Variants in KIZ observed in about 807,000 individuals in gnomAD.
The protein encoded by KIZ is centrosomal protein kizuna.
Under a neutral mutation model 79.6 loss-of-function variants are expected in KIZ, and 68 were observed. The observed-to-expected ratio is 0.85, with a 90% CI of 0.70 to 1.05. The LOEUF (loss-of-function observed/expected upper bound fraction) is 1.05, where lower values mean the gene tolerates loss of function less well. Ranked by LOEUF, KIZ falls within the 50% of genes least tolerant of loss-of-function variation. The pLI is 0.00. For missense variants in KIZ, 797 were observed against 800.4 expected (o/e 1.00, Z 0.05); for synonymous variants, 280 against 281.8 (o/e 0.99, Z 0.06).
At chr20:21,213,831 G>A (rs905194804) in intron 7 of KIZ, 1 of 152,188 alleles carries the variant, frequency 6.6e-6, no homozygotes, top group Non-Finnish European at 1.5e-5. Flanking sequence ...GGACACATGA[G>A]GCATTTAAGT....
chr20:21,211,244 A>G lies in KIZ; in HGVS notation c.1447-3291A>G, dbSNP rs548398498. 5.3e-5 allele frequency among the ~76,000 whole-genome samples: 8 copies of G among 152,362 alleles called. No homozygotes were observed. The South Asian group carries it at 1.7e-3, about 32-fold the overall frequency. ...AGAACTGGGCTAATAAAGGAATAGT[A>G]CTGTAGGTGTAACTCATAGAACGAT... On this transcript the variant is annotated intron_variant, in intron 7 of 12. Coordinates refer to ENST00000619189, the MANE Select transcript of KIZ (RefSeq NM_018474.6).
At chr20:21,180,809 A>T (rs2034628699) in intron 6 of KIZ, among the ~76,000 whole-genome samples, 5 of 152,204 alleles carry the variant, frequency 3.3e-5, no homozygotes, top group Admixed American at 3.3e-4. Context: ...TTCTAGCCCA[A>T]GCTCCAGATG....
At chr20:21,216,277 A>G (rs1054730679) in intron 9 of KIZ, among the ~76,000 whole-genome samples, 1 of 152,232 alleles carries the variant, frequency 6.6e-6, no homozygotes, top group South Asian at 2.1e-4. Flanking sequence ...TGAATTTACT[A>G]GTACCTTATT....
intron 11 of KIZ, among the ~76,000 whole-genome samples, chr20:21,239,507 G>A (rs73115966): frequency 0.014 from 2,187 of 152,304 alleles, 36 homozygotes; most frequent in Middle Eastern, 0.041. Flanking sequence ...TTGATAATCT[G>A]TGAATGCTGT....
chr20:21,241,292 C>T (rs2037207462), intron 11 of KIZ, among the ~76,000 whole-genome samples: 1 of 152,134 alleles, frequency 6.6e-6, no homozygotes, highest in Non-Finnish European at 1.5e-5. Flanking sequence ...AAAAAATCAA[C>T]TATGAATTGC....
intron 3 of KIZ, among the ~76,000 whole-genome samples, chr20:21,137,466 C>T (rs996969441): frequency 1.3e-5 from 2 of 150,112 alleles, no homozygotes; most frequent in African/African-American, 5.0e-5. Flanking sequence ...GCTACTGAGC[C>T]CCCCTACCTT....
chr20:21,157,324 A>G (rs544510755), intron 4 of KIZ, among the ~76,000 whole-genome samples: 2 of 152,272 alleles, frequency 1.3e-5, no homozygotes, highest in Admixed American at 6.5e-5. Flanking sequence ...AATTTGTTAC[A>G]GGCCACTAAC....
chr20:21,204,624 A>G (rs923089689), intron 6 of KIZ, among the ~76,000 whole-genome samples: 3 of 149,806 alleles, frequency 2.0e-5, no homozygotes, highest in South Asian at 2.1e-4. Context: ...TTCTTTTGAT[A>G]CAACTTTGAG....
chr20:21,180,040 A>T (rs187620314), intron 6 of KIZ, among the ~76,000 whole-genome samples: 1 of 152,210 alleles, frequency 6.6e-6, no homozygotes, highest in Admixed American at 6.5e-5. Flanking sequence ...GTTTGGGTGG[A>T]GTGTTCTGTA....
intron 11 of KIZ, among the ~76,000 whole-genome samples, chr20:21,238,551 T>C (rs1223583520): frequency 3.9e-5 from 6 of 152,186 alleles, no homozygotes; most frequent in Non-Finnish European, 8.8e-5. Context: ...TCCTGGCTGC[T>C]GTCTTGTCTG....
intron 6 of KIZ, among the ~76,000 whole-genome samples, chr20:21,199,398 TAAA>T (rs973452193): frequency 4.6e-5 from 7 of 152,236 alleles, no homozygotes; most frequent in African/African-American, 7.2e-5. Flanking sequence ...TAGAGCCAGA[TAAA>T]GAAGTCAAGA....
chr20:21,125,992 C>T (rs2031418376), upstream of KIZ: 9 of 1,311,324 alleles, frequency 6.9e-6, no homozygotes, highest in Non-Finnish European at 8.8e-6. Flanking sequence ...CGGCGTCTTG[C>T]CCCGCCTCCT....
intron 6 of KIZ, among the ~76,000 whole-genome samples, chr20:21,165,228 A>G (rs565011816): frequency 2.6e-5 from 4 of 152,352 alleles, no homozygotes; most frequent in Non-Finnish European, 1.5e-5. Flanking sequence ...ACATAGGAGC[A>G]TATGATCCAG....
intron 3 of KIZ, 48 bp downstream of exon 3, chr20:21,136,600 T>TG (rs769102391): frequency 1.6e-3 from 141 of 88,718 alleles, no homozygotes; most frequent in Non-Finnish European, 2.2e-3. Context: ...TTGTTGTGTG[T>TG]TTTTTTTTTT....
chr20:21,141,848 C>G lies in KIZ; in HGVS notation c.316-3717C>G, dbSNP rs534298783. 1.8e-4 allele frequency among the ~76,000 whole-genome samples: 26 copies of G among 147,820 alleles called. 1 individual carries two copies. The highest frequency in any genetic ancestry group is 6.1e-4 in the East Asian group (3 of 4,952). On this transcript the variant is annotated intron_variant, in intron 3 of 12. Coordinates refer to ENST00000619189, the MANE Select transcript of KIZ (RefSeq NM_018474.6). The stretch of plus-strand genomic sequence containing the variant: ...ACTCTCTCTCTCTCTCTCTCTCTCT[C>G]TGTGTTTGTCTCTCTCACACAAATA...
In KIZ at chr20:21,162,352, C is replaced by A. The variant is rs1830459588; in HGVS notation, c.887C>A (p.Ser296Tyr). ...ACCACTGATTTAAAGTGTGACAGTT[C>A]CAGCGGATCAGAGGGAGAAATACTG... ...NRTTDLKCDS[S>Y]SGSEGEILTR... Residue 296 changes from serine (S) to tyrosine (Y), a missense_variant, in exon 5 of 13, where the codon TCC becomes TAC. By Grantham distance (144) the Ser-to-Tyr change is moderately radical. Transcript: ENST00000619189. The A allele has an allele frequency of 6.2e-7, 1 of 1,613,744 alleles. No homozygotes were observed. Among genetic ancestry groups the A allele is most frequent in the African/African-American group, 1.3e-5 (1 of 74,914 alleles).
rs2033685815 is a variant in KIZ, at chr20:21,162,000, T to A, written c.535T>A (p.Ser179Thr). ...SMRDFSTEHK[S>T]PQPTKNFSIP... ...GAGAGATTTCAGTACAGAGCACAAATCTCCCCAGCCCACAAAGAACTTTTC... is the reference window on the plus strand; with the variant it reads ...GAGAGATTTCAGTACAGAGCACAAAACTCCCCAGCCCACAAAGAACTTTTC... The change falls in exon 5 of 13, where the codon TCT becomes ACT. Residue 179 changes from serine (S) to threonine (T), a missense_variant. Physicochemically the swap from Ser to Thr is moderately conservative, Grantham distance 58. Coordinates refer to ENST00000619189, the MANE Select transcript of KIZ (RefSeq NM_018474.6). The A allele has an allele frequency of 6.2e-7, 1 of 1,613,812 alleles. No homozygotes were observed. Among genetic ancestry groups the A allele is most frequent in the East Asian group, 2.2e-5 (1 of 44,868 alleles).
intron 4 of KIZ, among the ~76,000 whole-genome samples, chr20:21,161,495 C>T (rs1343744824): frequency 3.3e-5 from 1 of 30,096 alleles, no homozygotes; most frequent in African/African-American, 5.8e-5. Context: ...CCGTGCCCGG[C>T]TAATTTTTGT....
intron 1 of KIZ, among the ~76,000 whole-genome samples, chr20:21,128,067 C>A (rs1317495531): frequency 6.6e-6 from 1 of 152,190 alleles, no homozygotes; most frequent in Non-Finnish European, 1.5e-5. Flanking sequence ...GGCTGGAGTG[C>A]AATGGCATGA....
Sources: gnomAD v4.1 joint callset for allele counts (sites outside exome capture counted in the v4.1 genomes callset) on GRCh38, gnomAD v4.1.1 for gene constraint, MANE v1.5 for transcripts, NCBI Gene and HGNC (gene_info 2026-07-23, HGNC 2026-07-21) for gene names.